ENTPD7: variants seen among roughly 807,000 people sequenced by gnomAD.
ENTPD7 encodes the protein ectonucleoside triphosphate diphosphohydrolase 7, also known as NTPDase 7.
In ENTPD7, 53 loss-of-function variants were observed where a neutral mutation model predicts 77.9. The ratio of observed to expected loss-of-function variants is 0.68; its 90% confidence interval spans 0.55 to 0.85. The LOEUF (loss-of-function observed/expected upper bound fraction) is 0.85, where lower values mean the gene tolerates loss of function less well. ENTPD7 is among the 40% of genes least tolerant of loss of function. ENTPD7 has a pLI of 0.00. For synonymous variants in ENTPD7, 248 were observed against 274.9 expected, an observed-to-expected ratio of 0.90 and a Z score of 0.97; for missense variants, 636 against 743.7, an observed-to-expected ratio of 0.86 and a Z score of 1.68.
At position 99,704,588 on chromosome 10, in the gene ENTPD7, C is replaced by G; in HGVS notation, c.1720C>G (p.Arg574Gly). The part of the protein sequence containing the change: ...AIFLYLLRLR[R>G]IHHRQTRASA... ...CTTCCTATACCTTCTGCGGCTACGC[C>G]GAATTCACCACCGACAAACACGAGC... Residue 574 changes from arginine (R) to glycine (G), a missense_variant, in exon 13 of 13, where the codon CGA becomes GGA. Around this residue, in one of 3 missense-constraint regions of ENTPD7, gnomAD observed 138 missense variants for 150.9 expected, o/e 0.91. Transcript: ENST00000370489. 1.2e-6 allele frequency: 2 copies of G among 1,614,150 alleles called. No homozygotes were observed. The highest frequency in any genetic ancestry group is 2.2e-5 in the South Asian group (2 of 91,078).
chr10:99,680,587 AT>A (rs1384599774), intron 5 of ENTPD7, among the ~76,000 whole-genome samples: 1 of 151,092 alleles, frequency 6.6e-6, no homozygotes, highest in African/African-American at 2.4e-5. Flanking sequence ...CTCTAACCAG[AT>A]TTTTTTCTTT....
At chr10:99,678,943 A>G (rs1275883470) in intron 3 of ENTPD7, among the ~76,000 whole-genome samples, 1 of 150,212 alleles carries the variant, frequency 6.7e-6, no homozygotes, top group East Asian at 1.9e-4. Context: ...ATAACAAAAA[A>G]CCAATTATTT....
chr10:99,680,521 CT>C (rs201804217), intron 5 of ENTPD7, among the ~76,000 whole-genome samples: 3 of 151,150 alleles, frequency 2.0e-5, no homozygotes, highest in East Asian at 1.9e-4. Flanking sequence ...AGCTCCCTGA[CT>C]TTTTTTTTAA....
chr10:99,663,129 C>G (rs1017328536), intron 3 of ENTPD7, among the ~76,000 whole-genome samples: 1 of 152,272 alleles, frequency 6.6e-6, no homozygotes, highest in African/African-American at 2.4e-5. Flanking sequence ...AGAACATTCT[C>G]TAGCATTTCT....
intron 8 of ENTPD7, among the ~76,000 whole-genome samples, chr10:99,692,818 T>C (rs2035905287): frequency 6.6e-6 from 1 of 152,184 alleles, no homozygotes; most frequent in Admixed American, 6.5e-5. Context: ...TGGGCCTCAG[T>C]TTCATTTATA....
At chr10:99,681,321 C>T (rs1457499976) in intron 5 of ENTPD7, among the ~76,000 whole-genome samples, 3 of 151,990 alleles carry the variant, frequency 2.0e-5, no homozygotes, top group African/African-American at 7.2e-5. Context: ...CTCTGTTGCC[C>T]AAGCTGGAGT....
chr10:99,690,175 T>C (rs543128815), intron 7 of ENTPD7, among the ~76,000 whole-genome samples: 1 of 152,354 alleles, frequency 6.6e-6, no homozygotes, highest in South Asian at 2.1e-4. Flanking sequence ...TACAGCAATG[T>C]ATTCCAGGGT....
intron 6 of ENTPD7, among the ~76,000 whole-genome samples, chr10:99,686,870 A>G (rs2035817687): frequency 6.8e-6 from 1 of 147,854 alleles, no homozygotes; most frequent in South Asian, 2.1e-4. Context: ...TTGTTTTAGG[A>G]GGCAGTTGAT....
Position 99,659,933 on chromosome 10 carries a change from C to T in ENTPD7, c.-24C>T, listed in dbSNP as rs777308725. 1.2e-6 allele frequency: 2 copies of T among 1,613,740 alleles called. No homozygotes were observed. Among genetic ancestry groups the T allele is most frequent in the African/African-American group, 2.7e-5 (2 of 74,852 alleles). ...GGCAAAAGAAAAAGAAGGTGACAGG[C>T]GTTGAGACCACCGAAGGGAACCCAT... On this transcript the variant is annotated 5_prime_UTR_variant, in exon 2 of 13. Transcript: ENST00000370489. This position sits in a 1 kb window ranked among gnomAD's most constrained non-coding sequence, Gnocchi z 4.1.
In ENTPD7 at chr10:99,695,858, T is replaced by C. The variant is rs1028462304; in HGVS notation, c.844-98T>C. 16 of 1,091,908 alleles carry C rather than the reference T, an allele frequency of 1.5e-5. No individual in the cohort carries two copies. In the African/African-American group the frequency reaches 2.2e-4, roughly 15 times the overall value. The allele number at this position is 1,091,908 out of a possible 1,614,324, so 67.6% of individuals were successfully genotyped here. A position where few individuals can be genotyped will look rare whatever the true frequency, so the allele number is the denominator to read the frequency against. Reference sequence around the variant, plus strand: ...AGAATGCTTAAGATGTTTTAAAGAGTAGTCATAGAAATGAAGCCTCGTGTA... The same window carrying C: ...AGAATGCTTAAGATGTTTTAAAGAGCAGTCATAGAAATGAAGCCTCGTGTA... On this transcript the variant is annotated intron_variant, in intron 8 of 12. Coordinates refer to ENST00000370489, the MANE Select transcript of ENTPD7 (RefSeq NM_020354.5).
chr10:99,661,386 G>A lies in ENTPD7; in HGVS notation c.9-60G>A, dbSNP rs1314385202. ...GGAGGGTTTTATCCAATTTTAAAAC[G>A]ATATTTAAGCACTCAGTTGTAGAAA... On this transcript the variant is annotated intron_variant, in intron 2 of 12. Transcript: ENST00000370489. 4.2e-6 allele frequency: 6 copies of A among 1,429,662 alleles called. No homozygotes were observed. The South Asian group carries it at 4.3e-5, about 10-fold the overall frequency. 88.6% of individuals were successfully genotyped at this position (1,429,662 alleles called of 1,614,324 possible). A position where few individuals can be genotyped will look rare whatever the true frequency, so the allele number is the denominator to read the frequency against.
chr10:99,701,904 A>G (rs1412681463), intron 11 of ENTPD7, among the ~76,000 whole-genome samples: 2 of 151,718 alleles, frequency 1.3e-5, no homozygotes, highest in African/African-American at 2.4e-5. Flanking sequence ...AAAAATTAGC[A>G]GGGTTTGGTG....
chr10:99,669,850 C>T (rs1017048512), intron 3 of ENTPD7, among the ~76,000 whole-genome samples: 8 of 142,542 alleles, frequency 5.6e-5, no homozygotes, highest in East Asian at 2.2e-4. Flanking sequence ...CCCGGGTTCA[C>T]GCCATTCTCC....
In ENTPD7 at chr10:99,708,166, C is replaced by T. The variant is rs1225526472; in HGVS notation, c.*3483C>T. On this transcript the variant is annotated 3_prime_UTR_variant, in exon 13 of 13. Coordinates refer to ENST00000370489, the MANE Select transcript of ENTPD7 (RefSeq NM_020354.5). Reference sequence around the variant, plus strand: ...TGTCTTCCAAAGTATCCTGCCCCACCCCCTCCTCATCCTAAGAGATTCCTT... The same window carrying T: ...TGTCTTCCAAAGTATCCTGCCCCACTCCCTCCTCATCCTAAGAGATTCCTT... Among the ~76,000 whole-genome samples, 1 of 152,248 alleles carries T rather than the reference C, an allele frequency of 6.6e-6. No individual in the cohort carries two copies. Among genetic ancestry groups the T allele is most frequent in the East Asian group, 1.9e-4 (1 of 5,190 alleles).
rs1590035634 is a variant in ENTPD7 at position 99,663,564 on chromosome 10, A to G, written c.191+1936A>G. 2.0e-5 allele frequency among the ~76,000 whole-genome samples: 3 copies of G among 151,360 alleles called. No homozygotes were observed. The East Asian group carries it at 5.8e-4, about 29-fold the overall frequency. The stretch of plus-strand genomic sequence containing the variant: ...AGCCTCAATCTCCTGGGCTCAAGCT[A>G]TCTTCCTGCCTCAGCCTCCCGAGTA... On this transcript the variant is annotated intron_variant, in intron 3 of 12. Transcript: ENST00000370489.
rs992182370 is a variant in ENTPD7, at chr10:99,696,183, G to GA, written c.1010+64dup. On this transcript the variant is annotated intron_variant, in intron 9 of 12. Transcript: ENST00000370489. ...AATGTCAGGCTGCAGATATTAGGGA[G>GA]AAATACTCACATCCTCCTAAGACAG... 9 of 1,572,656 alleles carry GA rather than the reference G, an allele frequency of 5.7e-6. No homozygotes were observed. The African/African-American group carries it at 1.2e-4, about 21-fold the overall frequency.
rs920912705 is a variant in ENTPD7, at chr10:99,707,287, T to G, written c.*2604T>G. On this transcript the variant is annotated 3_prime_UTR_variant, in exon 13 of 13. Coordinates refer to ENST00000370489, the MANE Select transcript of ENTPD7 (RefSeq NM_020354.5). ...AGTACTGAAGGAAAATTTTGTCATATCCCTCAGAAGAACTGAATATTTATT... is the reference window on the plus strand; with the variant it reads ...AGTACTGAAGGAAAATTTTGTCATAGCCCTCAGAAGAACTGAATATTTATT... Among the ~76,000 whole-genome samples, 3 of 152,180 alleles carry G rather than the reference T, an allele frequency of 2.0e-5. No homozygotes were observed. Among genetic ancestry groups the G allele is most frequent in the Non-Finnish European group, 4.4e-5 (3 of 68,028 alleles).
rs897211301 is a variant in ENTPD7 at position 99,704,916 on chromosome 10, G to A, written c.*233G>A. 5.5e-6 allele frequency: 3 copies of A among 544,336 alleles called. No individual in the cohort carries two copies. The highest frequency in any genetic ancestry group is 3.8e-5 in the African/African-American group (2 of 52,872). 33.7% of individuals were successfully genotyped at this position (544,336 alleles called of 1,614,324 possible). ...GACAGGAGATTGGTGCTAATACGGG[G>A]GACCAAGCTTTGTCCAAGTGAAGCA... On this transcript the variant is annotated 3_prime_UTR_variant, in exon 13 of 13. Coordinates refer to ENST00000370489, the MANE Select transcript of ENTPD7 (RefSeq NM_020354.5).
chr10:99,709,521 T>A lies in ENTPD7; in HGVS notation c.*4838T>A. ...CAAAACCAAAAGTTGTGATTAATAA[T>A]AACAGGATTATTAGTCAATAATATT... On this transcript the variant is annotated 3_prime_UTR_variant, in exon 13 of 13. Transcript: ENST00000370489. 1 of 983,482 alleles carries A rather than the reference T, an allele frequency of 1.0e-6. No individual in the cohort carries two copies. Among genetic ancestry groups the A allele is most frequent in the Non-Finnish European group, 1.2e-6 (1 of 828,154 alleles). 60.9% of individuals were successfully genotyped at this position (983,482 alleles called of 1,614,324 possible). A position where few individuals can be genotyped will look rare whatever the true frequency, so the allele number is the denominator to read the frequency against.
Sources: allele counts gnomAD v4.1 joint callset (sites outside exome capture counted in the v4.1 genomes callset), GRCh38; gene constraint gnomAD v4.1.1; regional missense constraint gnomAD v4.1.1; non-coding constraint Gnocchi (gnomAD v3.1); transcripts MANE v1.5; gene names NCBI Gene and HGNC (gene_info 2026-07-23, HGNC 2026-07-21).